Variants in ADAMTS19 observed in about 807,000 individuals in gnomAD.
The protein encoded by ADAMTS19 is A disintegrin and metalloproteinase with thrombospondin motifs 19.
A neutral mutation model predicts 153.3 loss-of-function variants in ADAMTS19; 93 were observed. The ratio of observed to expected loss-of-function variants is 0.61; its 90% CI spans 0.51 to 0.72. The LOEUF (loss-of-function observed/expected upper bound fraction) is 0.72, where lower values mean the gene tolerates loss of function less well. Among genes scored for constraint, ADAMTS19 ranks in the 30% least tolerant of loss-of-function variants. The probability of loss-of-function intolerance (pLI) is 0.00; values close to 1 mark genes in which losing one functional copy is unlikely to be tolerated. For missense variants in ADAMTS19, 1,482 were observed against 1,552.1 expected (o/e 0.95, Z 0.76); for synonymous variants, 600 against 556.6 (o/e 1.08, Z -1.10).
intron 8 of ADAMTS19, among the ~76,000 whole-genome samples, chr5:129,602,337 C>T (rs962594777): frequency 6.6e-5 from 10 of 152,112 alleles, no homozygotes; most frequent in South Asian, 2.1e-4. Flanking sequence ...GTGATCCGCC[C>T]GCCTCAGCCT....
intron 6 of ADAMTS19, among the ~76,000 whole-genome samples, chr5:129,550,018 ATATG>A (rs1276620670): frequency 7.4e-6 from 1 of 135,250 alleles, no homozygotes; most frequent in Non-Finnish European, 1.6e-5. Flanking sequence ...ATATACATGT[ATATG>A]TATATCTAGA....
In ADAMTS19 at chr5:129,469,353, T is replaced by C. The variant is rs143211625; in HGVS notation, c.747+7596T>C. Among the ~76,000 whole-genome samples the C allele has an allele frequency of 7.2e-4, 109 of 152,312 alleles. 2 individuals carry two copies. Among genetic ancestry groups the C allele is most frequent in the African/African-American group, 2.5e-3 (105 of 41,568 alleles). Reference sequence around the variant, plus strand: ...TAGAAAAAGCAAATTTTCTCAAACATCTTTTTTGGTTTATAAGATTGGCAC... The same window carrying C: ...TAGAAAAAGCAAATTTTCTCAAACACCTTTTTTGGTTTATAAGATTGGCAC... On this transcript the variant is annotated intron_variant, in intron 2 of 22. Coordinates refer to ENST00000274487, the MANE Select transcript of ADAMTS19 (RefSeq NM_133638.6).
rs751606685 is a variant in ADAMTS19, at chr5:129,461,738, G to A, written c.728G>A (p.Ser243Asn). The A allele has an allele frequency of 3.3e-6, 5 of 1,513,506 alleles. No homozygotes were observed. In the Admixed American group the frequency reaches 1.0e-4, roughly 31 times the overall value. 93.8% of individuals were successfully genotyped at this position (1,513,506 alleles called of 1,614,324 possible). ...CACCCTGGCTCGCTGGCTTCTTTCA[G>A]CACCTGTGGAGGTGGCCTGGTAAGC... ...LRHPGSLASFSTCGGGLMGFI... is the reference protein window; with the variant it reads ...LRHPGSLASFNTCGGGLMGFI... Residue 243 changes from serine (S) to asparagine (N), a missense_variant, in exon 2 of 23, where the codon AGC (serine) becomes AAC (asparagine). Around this residue, in one of 2 missense-constraint regions of ADAMTS19, gnomAD observed 866 missense variants for 827.7 expected, o/e 1.05. Transcript: ENST00000274487. This position sits in a 1 kb window ranked among gnomAD's most constrained non-coding sequence, Gnocchi z 4.6.
At chr5:129,472,488 T>A (rs952536217) in intron 2 of ADAMTS19, among the ~76,000 whole-genome samples, 4 of 152,240 alleles carry the variant, frequency 2.6e-5, no homozygotes, top group Non-Finnish European at 5.9e-5. Flanking sequence ...CCGACTCAGA[T>A]GCTAGTGAGC....
intron 8 of ADAMTS19, among the ~76,000 whole-genome samples, chr5:129,604,745 T>C (rs1430072578): frequency 6.6e-6 from 1 of 152,196 alleles, no homozygotes; most frequent in African/African-American, 2.4e-5. Flanking sequence ...TTTTTTGATA[T>C]TGCATGAGAC....
At position 129,495,544 on chromosome 5, in the gene ADAMTS19, C is replaced by T. The variant is rs534663066; in HGVS notation, c.748-13533C>T. ...GTTATGGTGAGGAAGCATTCTGGAC[C>T]TTTTATAAAAACTTTAATGGATAGT... On this transcript the variant is annotated intron_variant, in intron 2 of 22. Transcript: ENST00000274487. 7.2e-5 allele frequency among the ~76,000 whole-genome samples: 11 copies of T among 152,136 alleles called. No individual in the cohort carries two copies. The South Asian group carries it at 2.3e-3, about 32-fold the overall frequency.
At chr5:129,668,797 A>G (rs1754168975) in intron 16 of ADAMTS19, among the ~76,000 whole-genome samples, 1 of 152,108 alleles carries the variant, frequency 6.6e-6, no homozygotes, top group Non-Finnish European at 1.5e-5. Flanking sequence ...CATCACAGCT[A>G]TTTTTAAGTG....
intron 15 of ADAMTS19, among the ~76,000 whole-genome samples, chr5:129,661,642 T>C (rs1332750975): frequency 6.6e-6 from 1 of 152,222 alleles, no homozygotes; most frequent in Non-Finnish European, 1.5e-5. Flanking sequence ...AGAAGCGTTT[T>C]CTTTTTTTTC....
chr5:129,478,646 G>C (rs1208031634), intron 2 of ADAMTS19, among the ~76,000 whole-genome samples: 4 of 152,044 alleles, frequency 2.6e-5, no homozygotes, highest in Non-Finnish European at 4.4e-5. Context: ...TCCCATGCTC[G>C]AGCAATCCTC....
At chr5:129,525,919 G>T (rs1261279101) in intron 3 of ADAMTS19, among the ~76,000 whole-genome samples, 1 of 151,988 alleles carries the variant, frequency 6.6e-6, no homozygotes, top group East Asian at 1.9e-4. Flanking sequence ...ATGTCAAAAA[G>T]AAAATTGCAG....
chr5:129,473,193 T>TAA lies in ADAMTS19; in HGVS notation c.747+11449_747+11450dup, dbSNP rs5871355. Among the ~76,000 whole-genome samples the TAA allele has an allele frequency of 3.9e-3, 566 of 146,962 alleles. 3 individuals carry two copies. Among genetic ancestry groups the TAA allele is most frequent in the African/African-American group, 0.011 (448 of 40,104 alleles). On this transcript the variant is annotated intron_variant, in intron 2 of 22. Transcript: ENST00000274487. ...CTGTAAAACTCATTAAAATAAACAG[T>TAA]AAAAAAAAAAAAAATTAACCTGCCA...
At chr5:129,475,989 G>A (rs1343397503) in intron 2 of ADAMTS19, among the ~76,000 whole-genome samples, 2 of 152,148 alleles carry the variant, frequency 1.3e-5, no homozygotes, top group Non-Finnish European at 2.9e-5. Flanking sequence ...CATTTTGGAA[G>A]AGATTTTATC....
At chr5:129,513,083 T>C (rs769949982) in intron 3 of ADAMTS19, among the ~76,000 whole-genome samples, 1 of 151,914 alleles carries the variant, frequency 6.6e-6, no homozygotes, top group Non-Finnish European at 1.5e-5. Flanking sequence ...TCAGATTTAA[T>C]AACTCTGAAA....
At chr5:129,501,593 CA>C (rs1751110180) in intron 2 of ADAMTS19, among the ~76,000 whole-genome samples, 3 of 152,026 alleles carry the variant, frequency 2.0e-5, no homozygotes, top group Admixed American at 6.6e-5. Flanking sequence ...GAAAGTTTCA[CA>C]AAGGCAGTAT....
chr5:129,573,659 T>C (rs1753992110), intron 7 of ADAMTS19, among the ~76,000 whole-genome samples: 1 of 152,132 alleles, frequency 6.6e-6, no homozygotes. Context: ...CTGTCTTGTA[T>C]ATTTTATTAG....
intron 7 of ADAMTS19, among the ~76,000 whole-genome samples, chr5:129,594,773 T>C (rs1237736434): frequency 2.6e-5 from 4 of 152,050 alleles, no homozygotes; most frequent in African/African-American, 9.7e-5. Context: ...AAAAATATGA[T>C]TTTCTCCTTC....
intron 10 of ADAMTS19, among the ~76,000 whole-genome samples, chr5:129,633,339 A>G (rs981987979): frequency 5.3e-5 from 8 of 152,156 alleles, no homozygotes; most frequent in African/African-American, 1.9e-4. Flanking sequence ...ATCATAACAC[A>G]TGTGTCATCT....
chr5:129,713,688 G>A (rs1756582679), intron 21 of ADAMTS19, among the ~76,000 whole-genome samples: 1 of 151,884 alleles, frequency 6.6e-6, no homozygotes, highest in Non-Finnish European at 1.5e-5. Flanking sequence ...TTGAACCCAG[G>A]AGATGGAAGC....
chr5:129,550,971 G>A (rs539175876), intron 6 of ADAMTS19, among the ~76,000 whole-genome samples: 7 of 151,660 alleles, frequency 4.6e-5, no homozygotes, highest in Admixed American at 1.3e-4. Context: ...TGTGTGTGGC[G>A]CTGTTTTCAA....
Sources: allele counts gnomAD v4.1 joint callset (sites outside exome capture counted in the v4.1 genomes callset), GRCh38; gene constraint gnomAD v4.1.1; regional missense constraint gnomAD v4.1.1; non-coding constraint Gnocchi (gnomAD v3.1); transcripts MANE v1.5; gene names NCBI Gene and HGNC (gene_info 2026-07-23, HGNC 2026-07-21).